PLET1: variants seen among roughly 807,000 people sequenced by gnomAD.
PLET1 encodes placenta-expressed transcript 1 protein.
A neutral mutation model predicts 18.5 loss-of-function variants in PLET1; 20 were observed. The ratio of observed to expected loss-of-function variants is 1.08; its 90% CI spans 0.76 to 1.57. PLET1 has a LOEUF of 1.57. Among genes scored for constraint, PLET1 ranks in the 40% most tolerant of loss-of-function variants. The probability of loss-of-function intolerance (pLI) is 0.00; values close to 1 mark genes in which losing one functional copy is unlikely to be tolerated. For synonymous variants in PLET1, 93 were observed against 93.8 expected, an observed-to-expected ratio of 0.99 and a Z score of 0.05; for missense variants, 256 against 246.4, an observed-to-expected ratio of 1.04 and a Z score of -0.26.
At position 112,248,661 on chromosome 11, in the gene PLET1, T is replaced by C; in HGVS notation, c.*138A>G. On this transcript the variant is annotated 3_prime_UTR_variant, in exon 4 of 4. Transcript: ENST00000338832. Reference sequence around the variant, plus strand: ...GAGTGCCTCCAGATCTTTGTTTTGGTCTGAAGCCGTGGCAGCAAAGTTGCA... The same window carrying C: ...GAGTGCCTCCAGATCTTTGTTTTGGCCTGAAGCCGTGGCAGCAAAGTTGCA... The C allele has an allele frequency of 1.0e-6, 1 of 984,618 alleles. No individual in the cohort carries two copies. Among genetic ancestry groups the C allele is most frequent in the South Asian group, 1.7e-5 (1 of 59,076 alleles). The allele number at this position is 984,618 out of a possible 1,614,324, so 61.0% of individuals were successfully genotyped here. A position where few individuals can be genotyped will look rare whatever the true frequency, so the allele number is the denominator to read the frequency against.
At chr11:112,256,034 G>C (rs1435628435) in intron 1 of PLET1, among the ~76,000 whole-genome samples, 1 of 152,184 alleles carries the variant, frequency 6.6e-6, no homozygotes, top group Non-Finnish European at 1.5e-5. Flanking sequence ...AGAGGCTGAT[G>C]CACGTGGAAA....
In PLET1 at chr11:112,260,509, A is replaced by G. The variant is rs1860277422; in HGVS notation, c.81T>C (p.Phe27=). 2 of 1,551,516 alleles carry G rather than the reference A, an allele frequency of 1.3e-6. No homozygotes were observed. The highest frequency in any genetic ancestry group is 2.0e-5 in the Admixed American group (1 of 50,982). ...CLSLQLSSAT[F]IRYSSTCFTF... is the part of the protein sequence containing the mutation. ...TGAAGCAGGTGCTACTGTACCTTAT[A>G]AAGGTGGCAGAAGAAAGCTGCAGAC... Residue 27 remains phenylalanine, a synonymous_variant, in exon 1 of 4, where the codon TTT becomes TTC. Transcript: ENST00000338832.
intron 2 of PLET1, among the ~76,000 whole-genome samples, chr11:112,254,262 G>T (rs1860188207): frequency 6.8e-6 from 1 of 147,650 alleles, no homozygotes; most frequent in Admixed American, 6.8e-5. Flanking sequence ...ATGTGCGTGT[G>T]GTGTCTGTAA....
At position 112,255,538 on chromosome 11, in the gene PLET1, T is replaced by A; in HGVS notation, c.236A>T (p.Asp79Val). The change falls in exon 2 of 4, where the codon GAC becomes GTC. Residue 79 changes from aspartate (D) to valine (V), a missense_variant. By Grantham distance (152) the Asp-to-Val change is radical. Transcript: ENST00000338832. ...GAGGCCCGCTGAGTCACTGTTCTCG[T>A]CCAAGGTTTTCATGACCACAGCATA... ...SVYAVVMKTL[D>V]ENSDSAGLWQ... is the part of the protein sequence containing the mutation. 6.4e-7 allele frequency: 1 copy of A among 1,551,546 alleles called. No individual in the cohort carries two copies. Among genetic ancestry groups the A allele is most frequent in the Non-Finnish European group, 8.7e-7 (1 of 1,146,816 alleles).
Position 112,252,391 on chromosome 11 carries a change from G to A in PLET1, c.405C>T (p.Ile135=). Residue 135 remains isoleucine (I), a synonymous_variant, in exon 3 of 4, where the codon ATC becomes ATT. Coordinates refer to ENST00000338832, the MANE Select transcript of PLET1 (RefSeq NM_001145024.1). The stretch of plus-strand genomic sequence containing the variant: ...GAGTAGAAAGTATAGGCAGCGCTCT[G>A]ATCTGGACAGTGAAAGCTCTGTGGA... ...EVEIQAFTVQ[I]RALPILSTLK... The A allele has an allele frequency of 6.4e-7, 1 of 1,551,410 alleles. No individual in the cohort carries two copies. Among genetic ancestry groups the A allele is most frequent in the East Asian group, 2.4e-5 (1 of 40,922 alleles).
chr11:112,256,016 G>C (rs1860221101), intron 1 of PLET1, among the ~76,000 whole-genome samples: 1 of 152,180 alleles, frequency 6.6e-6, no homozygotes, highest in Non-Finnish European at 1.5e-5. Flanking sequence ...GGGGAGTGTG[G>C]GGACGGAAGA....
intron 3 of PLET1, 96 bp downstream of exon 3, chr11:112,252,252 G>A (rs773040395): frequency 9.1e-7 from 1 of 1,100,570 alleles, no homozygotes; most frequent in Non-Finnish European, 1.4e-6. Flanking sequence ...GTGATGCGTG[G>A]TAAGAAGACC....
At position 112,255,403 on chromosome 11, in the gene PLET1, G is replaced by T; in HGVS notation, c.371C>A (p.Thr124Asn). The T allele has an allele frequency of 6.4e-7, 1 of 1,552,238 alleles. No individual in the cohort carries two copies. The highest frequency in any genetic ancestry group is 8.7e-7 in the Non-Finnish European group (1 of 1,147,054). Residue 124 changes from threonine to asparagine, a missense_variant, in exon 2 of 4, where the codon ACT becomes AAT. Coordinates refer to ENST00000338832, the MANE Select transcript of PLET1 (RefSeq NM_001145024.1). ...QWQAPEPENI[T>N]EVEIQAFTVQ... ...AGGTTCTTACTGTATCTCCACTTCA[G>T]TTATGTTCTCAGGTTCAGGAGCTTG...
intron 3 of PLET1, among the ~76,000 whole-genome samples, chr11:112,250,321 T>C (rs1453971022): frequency 7.2e-6 from 1 of 139,638 alleles, no homozygotes; most frequent in Non-Finnish European, 1.5e-5. Flanking sequence ...CAACTACATC[T>C]TGCAACTAGC....
At chr11:112,260,274 C>T in intron 1 of PLET1, 132 bp downstream of exon 1, 1 of 921,988 alleles carries the variant, frequency 1.1e-6, no homozygotes, top group African/African-American at 1.7e-5. Context: ...GTCTTCCTTC[C>T]CTTGCTTCCC....
chr11:112,258,771 C>A (rs1592892705), intron 1 of PLET1, among the ~76,000 whole-genome samples: 1 of 152,296 alleles, frequency 6.6e-6, no homozygotes. Flanking sequence ...CCTGTCAGGA[C>A]AATATCCACT....
chr11:112,255,024 AG>A (rs1860208315), intron 2 of PLET1, among the ~76,000 whole-genome samples: 1 of 7,338 alleles, frequency 1.4e-4, no homozygotes, highest in South Asian at 3.9e-3. Context: ...GTGGTGTGTG[AG>A]CGTATGTGGT....
At chr11:112,249,574 A>G (rs1190377209) in intron 3 of PLET1, among the ~76,000 whole-genome samples, 1 of 152,140 alleles carries the variant, frequency 6.6e-6, no homozygotes, top group Non-Finnish European at 1.5e-5. Context: ...GAAGCACAGA[A>G]AGCTAGGCCC....
chr11:112,250,220 C>CTTTTTTTTTTTTTTTT (rs33963716), intron 3 of PLET1, among the ~76,000 whole-genome samples: 3 of 49,860 alleles, frequency 6.0e-5, no homozygotes, highest in Non-Finnish European at 1.0e-4. Context: ...AGAAACAAAC[C>CTTTTTTTTTTTTTTTT]TTTTTTTTTT....
intron 1 of PLET1, among the ~76,000 whole-genome samples, chr11:112,257,130 A>G (rs1335427335): frequency 6.6e-6 from 1 of 152,188 alleles, no homozygotes; most frequent in Non-Finnish European, 1.5e-5. Context: ...TGATTACAGT[A>G]TCCAACACAT....
chr11:112,259,495 A>G (rs975889133), intron 1 of PLET1, among the ~76,000 whole-genome samples: 3 of 152,206 alleles, frequency 2.0e-5, no homozygotes, highest in African/African-American at 4.8e-5. Context: ...AAAAATATCT[A>G]CTGGACACCT....
chr11:112,253,013 C>T (rs548090014), intron 2 of PLET1, among the ~76,000 whole-genome samples: 2 of 152,260 alleles, frequency 1.3e-5, no homozygotes, highest in African/African-American at 2.4e-5. Context: ...AGTCACTGTG[C>T]CTGGTGCTGA....
At chr11:112,254,305 G>A (rs766899524) in intron 2 of PLET1, among the ~76,000 whole-genome samples, 2 of 146,436 alleles carry the variant, frequency 1.4e-5, no homozygotes, top group African/African-American at 5.1e-5. Flanking sequence ...GTGGTGTGTA[G>A]TGTGAGTAGC....
Position 112,248,458 on chromosome 11 carries a change from G to A in PLET1, c.*341C>T. On this transcript the variant is annotated 3_prime_UTR_variant, in exon 4 of 4. Transcript: ENST00000338832. ...TCCCACAGAAACTCAGAGGTTGCAG[G>A]GGAATCATTTGGCAGTGAACAAAAG... 1 of 407,034 alleles carries A rather than the reference G, an allele frequency of 2.5e-6. No homozygotes were observed. Among genetic ancestry groups the A allele is most frequent in the Non-Finnish European group, 4.3e-6 (1 of 231,900 alleles). The allele number at this position is 407,034 out of a possible 1,614,324, so 25.2% of individuals were successfully genotyped here.
Sources: gnomAD v4.1 joint callset for allele counts (sites outside exome capture counted in the v4.1 genomes callset) on GRCh38, gnomAD v4.1.1 for gene constraint, MANE v1.5 for transcripts, NCBI Gene and HGNC (gene_info 2026-07-23, HGNC 2026-07-21) for gene names.